The following DLGAP1 variants were observed in gnomAD, a reference collection of about 807,000 sequenced individuals.
DLGAP1 encodes DLG associated protein 1.
A neutral mutation model predicts 90.8 loss-of-function variants in DLGAP1; 11 were observed. The observed-to-expected ratio is 0.12, with a 90% CI of 0.08 to 0.20. DLGAP1 has a LOEUF of 0.20. DLGAP1 is among the 10% of genes least tolerant of loss of function. The pLI, the probability that DLGAP1 is intolerant of heterozygous loss-of-function variation, is 1.00. For synonymous variants in DLGAP1, 558 were observed against 540.7 expected (o/e 1.03, Z -0.44); for missense variants, 1,050 against 1,333.8 (o/e 0.79, Z 3.31).
intron 3 of DLGAP1, among the ~76,000 whole-genome samples, chr18:3,886,586 C>T (rs1375398559): frequency 1.3e-5 from 2 of 152,098 alleles, no homozygotes; most frequent in East Asian, 1.9e-4. Context: ...TTAGCAACAC[C>T]TCTCAACTAC....
chr18:3,860,853 G>A (rs555134536), intron 4 of DLGAP1, among the ~76,000 whole-genome samples: 33 of 152,250 alleles, frequency 2.2e-4, no homozygotes, highest in African/African-American at 7.2e-4. Context: ...AATCTCTCCC[G>A]TTATACTCCC....
chr18:4,043,038 T>C (rs1460639825), intron 2 of DLGAP1, among the ~76,000 whole-genome samples: 2 of 152,264 alleles, frequency 1.3e-5, no homozygotes, highest in African/African-American at 4.8e-5. Flanking sequence ...AAAATGTTTT[T>C]GTATTTGTCC....
At chr18:3,673,011 G>A (rs989056881) in intron 7 of DLGAP1, among the ~76,000 whole-genome samples, 2 of 152,176 alleles carry the variant, frequency 1.3e-5, no homozygotes. Context: ...TAAAGTGAAT[G>A]ATACTCTAAG....
intron 1 of DLGAP1, among the ~76,000 whole-genome samples, chr18:4,348,925 T>C (rs780098121): frequency 2.6e-5 from 4 of 152,130 alleles, no homozygotes; most frequent in Non-Finnish European, 5.9e-5. Context: ...AAAGGAATGA[T>C]GGATATAGAA....
rs143771651 is a variant in DLGAP1, at chr18:3,629,244, C to G, written c.1592-46996G>C. 4.0e-3 allele frequency among the ~76,000 whole-genome samples: 605 copies of G among 152,018 alleles called. 2 individuals carry two copies. The highest frequency in any genetic ancestry group is 0.014 in the African/African-American group (576 of 41,470). ...CCTGGGTAACACAGCAAGACGCCAT[C>G]TCTAAAAAAATAAATAGCTGAGGTG... On this transcript the variant is annotated intron_variant, in intron 7 of 12. Transcript: ENST00000315677.
chr18:3,973,576 A>C (rs1363354296), intron 3 of DLGAP1, among the ~76,000 whole-genome samples: 1 of 152,212 alleles, frequency 6.6e-6, no homozygotes, highest in Non-Finnish European at 1.5e-5. Flanking sequence ...CCTAGGGAAC[A>C]TGCTGGAAGG....
chr18:3,725,566 T>C (rs1409713505), intron 7 of DLGAP1, among the ~76,000 whole-genome samples: 1 of 152,212 alleles, frequency 6.6e-6, no homozygotes, highest in African/African-American at 2.4e-5. Context: ...ATTCCTACTG[T>C]AATATTAACT....
rs977133246 is a variant in DLGAP1, at chr18:4,378,683, G to C, written c.-267+76323C>G. ...CCTAATATGTACTCCATCAGGGTAG[G>C]TATCTTGTCCTCTTGAGAACTTTAA... On this transcript the variant is annotated intron_variant, in intron 1 of 12. Transcript: ENST00000315677. This position sits in a 1 kb window ranked among gnomAD's most constrained non-coding sequence, Gnocchi z 4.5. 1.2e-4 allele frequency among the ~76,000 whole-genome samples: 18 copies of C among 152,112 alleles called. No individual in the cohort carries two copies. The highest frequency in any genetic ancestry group is 4.3e-4 in the African/African-American group (18 of 41,424).
intron 4 of DLGAP1, among the ~76,000 whole-genome samples, chr18:3,842,122 G>C (rs1387761917): frequency 6.7e-6 from 1 of 149,560 alleles, no homozygotes; most frequent in Non-Finnish European, 1.5e-5. Flanking sequence ...GGGGTGGGGG[G>C]TGAGGGGTGG....
chr18:3,543,153 TCC>T (rs2052789274), intron 9 of DLGAP1, among the ~76,000 whole-genome samples: 1 of 146,844 alleles, frequency 6.8e-6, no homozygotes, highest in Non-Finnish European at 1.5e-5. Context: ...ACTCTTTTGT[TCC>T]CATGACTCCA....
chr18:4,227,813 CA>C (rs995359523), intron 1 of DLGAP1, among the ~76,000 whole-genome samples: 26 of 148,478 alleles, frequency 1.8e-4, no homozygotes, highest in African/African-American at 6.1e-4. Context: ...AAGAGCAAAC[CA>C]AACCCAAAAT....
intron 8 of DLGAP1, among the ~76,000 whole-genome samples, chr18:3,568,951 G>T (rs956912915): frequency 4.6e-5 from 7 of 151,034 alleles, no homozygotes; most frequent in Non-Finnish European, 1.5e-5. Context: ...CTCCCAAAGT[G>T]CTGGGATTAC....
At chr18:4,140,897 T>C (rs2076484838) in intron 2 of DLGAP1, among the ~76,000 whole-genome samples, 1 of 152,028 alleles carries the variant, frequency 6.6e-6, no homozygotes, top group African/African-American at 2.4e-5. Flanking sequence ...AGAAGTCTGC[T>C]GCCAGATATA....
chr18:4,291,228 A>G (rs1348381491), intron 1 of DLGAP1, among the ~76,000 whole-genome samples: 1 of 152,218 alleles, frequency 6.6e-6, no homozygotes, highest in Non-Finnish European at 1.5e-5. Context: ...CAGACTGAGT[A>G]GATGTCAAGA....
chr18:3,499,266 G>C lies in DLGAP1; in HGVS notation c.2853C>G (p.Ala951=), dbSNP rs1568079375. 2 of 1,600,370 alleles carry C rather than the reference G, an allele frequency of 1.2e-6. No individual in the cohort carries two copies. Among genetic ancestry groups the C allele is most frequent in the Non-Finnish European group, 1.7e-6 (2 of 1,174,474 alleles). The change falls in exon 13 of 13, where the codon GCC becomes GCG. Residue 951 remains alanine, a synonymous_variant. Coordinates refer to ENST00000315677, the MANE Select transcript of DLGAP1 (RefSeq NM_004746.4). The surrounding 1 kb of genome is among the most constrained non-coding windows in gnomAD (Gnocchi z 6.4). ...TGGCCGAGTTCTGGCGGACGGACGC[G>C]GCGCGCTTGGCGGCCATCAGGCGCT... ...ARKRLMAAKR[A]ASVRQNSATE...
chr18:3,999,627 A>G (rs377523861), intron 3 of DLGAP1, among the ~76,000 whole-genome samples: 4 of 152,296 alleles, frequency 2.6e-5, no homozygotes, highest in African/African-American at 9.6e-5. Context: ...CAACAACAAA[A>G]CACATTTAGA....
intron 1 of DLGAP1, among the ~76,000 whole-genome samples, chr18:4,297,599 T>C (rs1295523752): frequency 6.6e-6 from 1 of 152,194 alleles, no homozygotes; most frequent in Non-Finnish European, 1.5e-5. Flanking sequence ...ACTGCAAGGA[T>C]GTTTGCTTAA....
At position 3,600,729 on chromosome 18, in the gene DLGAP1, G is replaced by GCT. The variant is rs1568277358; in HGVS notation, c.1592-18482_1592-18481insAG. Among the ~76,000 whole-genome samples, 36 of 26,822 alleles carry GCT rather than the reference G, an allele frequency of 1.3e-3. 4 individuals are homozygous for GCT. Among genetic ancestry groups the GCT allele is most frequent in the African/African-American group, 5.7e-3 (28 of 4,894 alleles). The allele number at this position is 26,822 out of a possible 152,430, so 17.6% of individuals were successfully genotyped here. ...ATAGCTATATAGATATAGAGATATA[G>GCT]ATATATATAGATATATAGATATATA... On this transcript the variant is annotated intron_variant, in intron 7 of 12. Transcript: ENST00000315677.
intron 1 of DLGAP1, among the ~76,000 whole-genome samples, chr18:4,389,343 T>C (rs1480468818): frequency 6.6e-6 from 1 of 152,178 alleles, no homozygotes; most frequent in Non-Finnish European, 1.5e-5. Context: ...AGTAGAATGA[T>C]GGCTGCCAAG....
Sources: allele counts gnomAD v4.1 joint callset (sites outside exome capture counted in the v4.1 genomes callset), GRCh38; gene constraint gnomAD v4.1.1; non-coding constraint Gnocchi (gnomAD v3.1); transcripts MANE v1.5; gene names NCBI Gene and HGNC (gene_info 2026-07-23, HGNC 2026-07-21).